Variants in KLHL32 observed in about 807,000 individuals in gnomAD.
KLHL32 encodes kelch like family member 32.
KLHL32 carries 35 observed loss-of-function variants against 64.8 expected under a neutral mutation model. The ratio of observed to expected loss-of-function variants is 0.54; its 90% CI spans 0.41 to 0.72. The LOEUF is 0.72. KLHL32 is among the 30% of genes least tolerant of loss of function. The pLI is 0.00. For missense variants in KLHL32, 589 were observed against 768.5 expected (o/e 0.77, Z 2.76); for synonymous variants, 259 against 281.0 (o/e 0.92, Z 0.78).
At chr6:96,956,643 G>A (rs1773313264) in intron 1 of KLHL32, among the ~76,000 whole-genome samples, 1 of 152,172 alleles carries the variant, frequency 6.6e-6, no homozygotes, top group Non-Finnish European at 1.5e-5. Flanking sequence ...TGTAAGAGCT[G>A]GGTTTGAGTC....
intron 4 of KLHL32, among the ~76,000 whole-genome samples, chr6:97,048,180 C>T (rs1022503795): frequency 4.6e-5 from 7 of 152,250 alleles, no homozygotes; most frequent in East Asian, 3.9e-4. Context: ...ATGATAGTGA[C>T]GTTTATAGTC....
intron 5 of KLHL32, among the ~76,000 whole-genome samples, chr6:97,084,394 A>G (rs1793072746): frequency 6.6e-6 from 1 of 152,200 alleles, no homozygotes; most frequent in Non-Finnish European, 1.5e-5. Flanking sequence ...AGCCCTGGCT[A>G]TGAGCTTGAG....
At chr6:96,945,150 A>G (rs887853082) in intron 1 of KLHL32, among the ~76,000 whole-genome samples, 4 of 152,200 alleles carry the variant, frequency 2.6e-5, no homozygotes, top group Non-Finnish European at 4.4e-5. Flanking sequence ...TGCAGCTTCC[A>G]TTACTTAATT....
At chr6:97,041,370 T>C (rs1466079762) in intron 3 of KLHL32, 122 bp from the exon 4 acceptor site, 1 of 639,986 alleles carries the variant, frequency 1.6e-6, no homozygotes, top group African/African-American at 1.8e-5. Context: ...TAGAAGCATT[T>C]CAAAAATCAA....
chr6:97,111,430 T>C (rs112071718), intron 6 of KLHL32, among the ~76,000 whole-genome samples: 2,142 of 152,282 alleles, frequency 0.014, 44 homozygotes, highest in African/African-American at 0.049. Flanking sequence ...AGCCAGCCGC[T>C]TCAGTGCCAG....
chr6:97,107,116 C>A (rs1296231204), intron 6 of KLHL32, among the ~76,000 whole-genome samples: 1 of 152,004 alleles, frequency 6.6e-6, no homozygotes, highest in Non-Finnish European at 1.5e-5. Flanking sequence ...CACGGTGAAA[C>A]CCTGTCTCTT....
At chr6:96,959,761 G>C (rs1773683191) in intron 1 of KLHL32, among the ~76,000 whole-genome samples, 1 of 152,128 alleles carries the variant, frequency 6.6e-6, no homozygotes, top group African/African-American at 2.4e-5. Context: ...TGGTTTCTAT[G>C]GATCAGGAAG....
chr6:96,976,200 T>C (rs1377914459), intron 3 of KLHL32, 23 bp downstream of exon 3: 1 of 1,507,992 alleles, frequency 6.6e-7, no homozygotes. Context: ...TGTTTGTTTC[T>C]CGTAAAATAT....
At chr6:97,026,481 C>T (rs959635317) in intron 3 of KLHL32, among the ~76,000 whole-genome samples, 30 of 152,150 alleles carry the variant, frequency 2.0e-4, no homozygotes, top group African/African-American at 7.2e-4. Context: ...TGCTTAGCAA[C>T]TAATGGGGTT....
At chr6:97,015,172 C>T (rs973449934) in intron 3 of KLHL32, among the ~76,000 whole-genome samples, 3 of 152,154 alleles carry the variant, frequency 2.0e-5, no homozygotes, top group Non-Finnish European at 4.4e-5. Flanking sequence ...AATTAAACCT[C>T]CTTTCTTTAT....
chr6:96,931,856 C>G (rs1239812433), intron 1 of KLHL32, among the ~76,000 whole-genome samples: 1 of 151,448 alleles, frequency 6.6e-6, no homozygotes, highest in Admixed American at 6.6e-5. Flanking sequence ...CATTCACAGA[C>G]CAGCAAAGTT....
chr6:96,989,405 A>G (rs1777566647), intron 3 of KLHL32, among the ~76,000 whole-genome samples: 1 of 152,152 alleles, frequency 6.6e-6, no homozygotes, highest in Non-Finnish European at 1.5e-5. Flanking sequence ...TTTTTTCTTT[A>G]AGAATGCTGA....
At chr6:96,973,544 A>G (rs1775337521) in intron 2 of KLHL32, among the ~76,000 whole-genome samples, 1 of 152,168 alleles carries the variant, frequency 6.6e-6, no homozygotes, top group Non-Finnish European at 1.5e-5. Flanking sequence ...TTTCAGTCAC[A>G]GTATGAAGAT....
chr6:97,077,650 A>G (rs1791816516), intron 5 of KLHL32, among the ~76,000 whole-genome samples: 1 of 152,204 alleles, frequency 6.6e-6, no homozygotes, highest in Non-Finnish European at 1.5e-5. Flanking sequence ...TGAAGCTCAG[A>G]TTAAGTACTT....
At chr6:97,092,801 C>T (rs897826783) in intron 6 of KLHL32, among the ~76,000 whole-genome samples, 3 of 152,122 alleles carry the variant, frequency 2.0e-5, no homozygotes, top group African/African-American at 7.2e-5. Flanking sequence ...CTTTGCAAGA[C>T]GCATGACATG....
chr6:97,108,285 G>C (rs1003894476), intron 6 of KLHL32, among the ~76,000 whole-genome samples: 1 of 152,044 alleles, frequency 6.6e-6, no homozygotes, highest in Non-Finnish European at 1.5e-5. Context: ...GATAGAATAG[G>C]ATTCAGCTTA....
intron 7 of KLHL32, among the ~76,000 whole-genome samples, chr6:97,115,167 C>G (rs1262009940): frequency 6.6e-6 from 1 of 152,144 alleles, no homozygotes; most frequent in African/African-American, 2.4e-5. Context: ...AGGAGCACAC[C>G]ACCACACCCA....
At chr6:96,996,985 G>T (rs191476942) in intron 3 of KLHL32, among the ~76,000 whole-genome samples, 7 of 152,214 alleles carry the variant, frequency 4.6e-5, no homozygotes, top group Non-Finnish European at 7.4e-5. Flanking sequence ...TGAGGAATGG[G>T]TTGGGAGGTA....
At chr6:96,987,762 C>G in intron 3 of KLHL32, among the ~76,000 whole-genome samples, 2 of 152,076 alleles carry the variant, frequency 1.3e-5, no homozygotes, top group Admixed American at 1.3e-4. Flanking sequence ...GAGATATAGA[C>G]CAATGGAACA....
Sources: allele counts gnomAD v4.1 joint callset (sites outside exome capture counted in the v4.1 genomes callset), GRCh38; gene constraint gnomAD v4.1.1; transcripts MANE v1.5; gene names NCBI Gene and HGNC (gene_info 2026-07-23, HGNC 2026-07-21).